CREB5: variants seen among roughly 807,000 people sequenced by gnomAD.
CREB5 encodes the protein cyclic AMP-responsive element-binding protein 5.
CREB5 carries 19 observed loss-of-function variants against 57.1 expected under a neutral mutation model. That is an observed-to-expected ratio of 0.33 (90% CI 0.23 to 0.49). The LOEUF (loss-of-function observed/expected upper bound fraction) is 0.49, where lower values mean the gene tolerates loss of function less well. Ranked by LOEUF, CREB5 falls within the 20% of genes least tolerant of loss-of-function variation. CREB5 has a pLI of 0.99. For synonymous variants in CREB5, 238 were observed against 238.3 expected (o/e 1.00, Z 0.01); for missense variants, 579 against 671.6 (o/e 0.86, Z 1.52).
intron 1 of CREB5, among the ~76,000 whole-genome samples, chr7:28,462,921 G>A (rs910147365): frequency 1.3e-5 from 2 of 151,906 alleles, no homozygotes; most frequent in East Asian, 3.9e-4. Flanking sequence ...AATTAATTTT[G>A]ATGAAGTCCA....
chr7:28,738,663 A>T (rs138461008), intron 7 of CREB5, among the ~76,000 whole-genome samples: 9 of 152,344 alleles, frequency 5.9e-5, no homozygotes, highest in African/African-American at 1.9e-4. Context: ...AGAGTCTACA[A>T]GCGAGTTGTT....
chr7:28,547,438 C>T (rs1794464124), intron 4 of CREB5, among the ~76,000 whole-genome samples: 1 of 152,144 alleles, frequency 6.6e-6, no homozygotes, highest in Non-Finnish European at 1.5e-5. Context: ...AGGCTGGAAA[C>T]TCAGGTAAAG....
chr7:28,558,697 G>A (rs1438562376), intron 4 of CREB5, among the ~76,000 whole-genome samples: 1 of 152,106 alleles, frequency 6.6e-6, no homozygotes, highest in African/African-American at 2.4e-5. Context: ...CTTGGGCAAG[G>A]GAAAGGCAAA....
intron 5 of CREB5, among the ~76,000 whole-genome samples, chr7:28,587,586 T>C (rs1406893232): frequency 6.6e-6 from 1 of 152,128 alleles, no homozygotes. Context: ...GAGACTCATA[T>C]TAAAATCCTG....
At chr7:28,753,985 T>G (rs1583671977) in intron 7 of CREB5, among the ~76,000 whole-genome samples, 1 of 139,486 alleles carries the variant, frequency 7.2e-6, no homozygotes, top group African/African-American at 2.6e-5. Flanking sequence ...TTAAACTCAT[T>G]AAAAAAAAAA....
intron 7 of CREB5, among the ~76,000 whole-genome samples, chr7:28,803,755 CAAAAAA>C (rs562078960): frequency 1.3e-5 from 1 of 79,800 alleles, no homozygotes; most frequent in Non-Finnish European, 2.4e-5. Context: ...GACTCCATCT[CAAAAAA>C]AAAAAAAAAA....
rs943577009 is a variant in CREB5, at chr7:28,449,669, C to T, written c.3+36752C>T. Among the ~76,000 whole-genome samples the T allele has an allele frequency of 4.6e-5, 7 of 152,162 alleles. No homozygotes were observed. The East Asian group carries it at 9.6e-4, about 21-fold the overall frequency. ...CATTCATAATTATGACTATGCAATT[C>T]GTGTTTGTTGCTTGACCAAATCATG... On this transcript the variant is annotated intron_variant, in intron 1 of 10. Coordinates refer to ENST00000357727, the MANE Select transcript of CREB5 (RefSeq NM_182898.4).
At chr7:28,731,605 AC>A (rs2128751781) in intron 7 of CREB5, among the ~76,000 whole-genome samples, 1 of 152,326 alleles carries the variant, frequency 6.6e-6, no homozygotes, top group East Asian at 1.9e-4. Context: ...GAGAATTAGA[AC>A]CCAGGTTCCT....
chr7:28,686,283 C>G (rs1800901491), intron 5 of CREB5: 2 of 900,318 alleles, frequency 2.2e-6, no homozygotes, highest in Non-Finnish European at 3.6e-6. Context: ...CCTTCGTCCT[C>G]CTCCTCCTCC....
chr7:28,486,002 G>T (rs546420800), intron 1 of CREB5, among the ~76,000 whole-genome samples: 1 of 152,224 alleles, frequency 6.6e-6, no homozygotes, highest in Non-Finnish European at 1.5e-5. Flanking sequence ...AAAGATATTT[G>T]TGTCTAAATA....
chr7:28,747,098 T>TC (rs55695218), intron 7 of CREB5, among the ~76,000 whole-genome samples: 1 of 151,406 alleles, frequency 6.6e-6, no homozygotes, highest in Non-Finnish European at 1.5e-5. Context: ...TTTTTTTTTT[T>TC]CCTGAGGCTG....
chr7:28,653,839 A>G (rs1008919256), intron 5 of CREB5, among the ~76,000 whole-genome samples: 1 of 152,216 alleles, frequency 6.6e-6, no homozygotes, highest in African/African-American at 2.4e-5. Context: ...ATTCCTGACT[A>G]TTAACCAATT....
At chr7:28,514,451 A>G (rs1792845572) in intron 4 of CREB5, among the ~76,000 whole-genome samples, 1 of 152,110 alleles carries the variant, frequency 6.6e-6, no homozygotes, top group Non-Finnish European at 1.5e-5. Flanking sequence ...GCTGGAGTGC[A>G]GTGGCGCCAT....
intron 1 of CREB5, among the ~76,000 whole-genome samples, chr7:28,425,092 T>A (rs1327542031): frequency 2.0e-5 from 3 of 152,076 alleles, no homozygotes; most frequent in African/African-American, 7.2e-5. Flanking sequence ...TCACAGAAAA[T>A]TTTTAAAAGA....
In CREB5 at chr7:28,788,971, C is replaced by T. The variant is rs367576135; in HGVS notation, c.703-15228C>T. 5.9e-5 allele frequency among the ~76,000 whole-genome samples: 9 copies of T among 152,230 alleles called. No individual in the cohort carries two copies. In the East Asian group the frequency reaches 9.7e-4, roughly 16 times the overall value. ...TACGTCTTCTGTATTCCTACATTGA[C>T]GTATATTTTGGTGGCATGGGACTGT... On this transcript the variant is annotated intron_variant, in intron 7 of 10. Transcript: ENST00000357727.
At chr7:28,439,064 G>A (rs1789079780) in intron 1 of CREB5, among the ~76,000 whole-genome samples, 1 of 152,086 alleles carries the variant, frequency 6.6e-6, no homozygotes, top group South Asian at 2.1e-4. Flanking sequence ...ATCTACTTGT[G>A]ATTTAAGAAA....
Position 28,380,811 on chromosome 7 carries a change from T to G in CREB5, c.-25+81370T>G. On this transcript the variant is annotated intron_variant, in intron 1 of 9. Transcript: ENST00000396299. ...TTTTTGACCTAATGTGTAAACATTT[T>G]ACCTCATGTGTAGAAATAGGGACAA... Among the ~76,000 whole-genome samples, 2 of 152,216 alleles carry G rather than the reference T, an allele frequency of 1.3e-5. 1 individual carries two copies. The highest frequency in any genetic ancestry group is 3.8e-4 in the East Asian group (2 of 5,196).
chr7:28,365,193 A>G (rs1378170675), intron 1 of CREB5, among the ~76,000 whole-genome samples: 1 of 152,114 alleles, frequency 6.6e-6, no homozygotes, highest in Admixed American at 6.5e-5. Context: ...TTACTCTATT[A>G]ATGTCATTGC....
At chr7:28,367,504 G>C (rs55959538) in intron 1 of CREB5, among the ~76,000 whole-genome samples, 3,946 of 152,210 alleles carry the variant, frequency 0.026, 106 homozygotes, top group Admixed American at 0.059. Flanking sequence ...AGCTCCATCA[G>C]TGCTACCTTT....
Sources: allele counts gnomAD v4.1 joint callset (sites outside exome capture counted in the v4.1 genomes callset), GRCh38; gene constraint gnomAD v4.1.1; transcripts MANE v1.5; gene names NCBI Gene and HGNC (gene_info 2026-07-23, HGNC 2026-07-21).